The following RABGAP1 variants were observed in gnomAD, a reference collection of about 807,000 sequenced individuals.
The protein encoded by RABGAP1 is RAB GTPase activating protein 1, also known as rab GTPase-activating protein 1.
In RABGAP1, 23 loss-of-function variants were observed where a neutral mutation model predicts 137.6. That is an observed-to-expected ratio of 0.17 (90% CI 0.12 to 0.24). The LOEUF (loss-of-function observed/expected upper bound fraction) is 0.24, where lower values mean the gene tolerates loss of function less well. Ranked by LOEUF, RABGAP1 falls within the 10% of genes least tolerant of loss-of-function variation. The probability of loss-of-function intolerance (pLI) is 1.00; values close to 1 mark genes in which losing one functional copy is unlikely to be tolerated. For missense variants in RABGAP1, 906 were observed against 1,275.8 expected (o/e 0.71, Z 4.42); for synonymous variants, 451 against 450.7 (o/e 1.00, Z -0.01).
chr9:122,995,296 T>C (rs953826056), intron 6 of RABGAP1, among the ~76,000 whole-genome samples: 7 of 152,230 alleles, frequency 4.6e-5, no homozygotes, highest in African/African-American at 1.7e-4. Context: ...TTTTTAAAGA[T>C]ACCTTGCTTT....
chr9:123,015,423 G>T, intron 11 of RABGAP1, 120 bp from the exon 12 acceptor site: 1 of 548,092 alleles, frequency 1.8e-6, no homozygotes. Context: ...TACTAAAAGA[G>T]AGAAATTATG....
At chr9:123,084,127 T>TATC (rs919030603) in intron 19 of RABGAP1, among the ~76,000 whole-genome samples, 1 of 152,246 alleles carries the variant, frequency 6.6e-6, no homozygotes, top group African/African-American at 2.4e-5. Context: ...TGATCTATGA[T>TATC]AGAGTAAAAT....
At chr9:123,007,036 G>C (rs2030339035) in intron 10 of RABGAP1, among the ~76,000 whole-genome samples, 1 of 150,662 alleles carries the variant, frequency 6.6e-6, no homozygotes, top group Admixed American at 6.6e-5. Flanking sequence ...TGTTCAACTT[G>C]TGTAGCTCTG....
chr9:123,015,289 CTTT>C (rs34492374), intron 11 of RABGAP1, among the ~76,000 whole-genome samples: 2,534 of 121,658 alleles, frequency 0.021, 58 homozygotes, highest in African/African-American at 0.068. Context: ...TAAATAGCTC[CTTT>C]TTTTTTTTTT....
chr9:123,059,867 T>C (rs906726590), intron 13 of RABGAP1, among the ~76,000 whole-genome samples: 1 of 152,218 alleles, frequency 6.6e-6, no homozygotes, highest in African/African-American at 2.4e-5. Flanking sequence ...CAGTTTGTAA[T>C]ATTTTGTTAG....
At chr9:122,970,936 CA>C (rs1480113769) in intron 2 of RABGAP1, among the ~76,000 whole-genome samples, 3 of 152,104 alleles carry the variant, frequency 2.0e-5, no homozygotes, top group Non-Finnish European at 4.4e-5. Flanking sequence ...CTTCAAGGAA[CA>C]AAAACAAAGA....
At chr9:122,978,517 C>G (rs768677304) in intron 2 of RABGAP1, among the ~76,000 whole-genome samples, 1 of 152,152 alleles carries the variant, frequency 6.6e-6, no homozygotes, top group Non-Finnish European at 1.5e-5. Flanking sequence ...TTCCTGTAAT[C>G]TCAGCAACTT....
chr9:123,058,822 T>C (rs949359122), intron 13 of RABGAP1, among the ~76,000 whole-genome samples: 11 of 152,230 alleles, frequency 7.2e-5, no homozygotes, highest in Non-Finnish European at 7.3e-5. Context: ...TTTAATTTGT[T>C]AACTGGGAGC....
chr9:123,003,929 T>G lies in RABGAP1; in HGVS notation c.1374+5163T>G, dbSNP rs556509747. 6.6e-5 allele frequency among the ~76,000 whole-genome samples: 10 copies of G among 152,364 alleles called. No homozygotes were observed. In the East Asian group the frequency reaches 1.9e-3, roughly 29 times the overall value. ...GGGGTCTTAAAATCTTTCATAAAAT[T>G]ACTGTTTTATAAATGAAGAAGCTGA... On this transcript the variant is annotated intron_variant, in intron 10 of 25. Transcript: ENST00000373647.
At position 123,090,367 on chromosome 9, in the gene RABGAP1, A is replaced by G. The variant is rs1357415935; in HGVS notation, c.2610A>G (p.Leu870=). 3.7e-6 allele frequency: 6 copies of G among 1,612,050 alleles called. No individual in the cohort carries two copies. The African/African-American group carries it at 4.0e-5, about 11-fold the overall frequency. Residue 870 remains leucine, a synonymous_variant, in exon 21 of 26, where the codon CTA becomes CTG. Coordinates refer to ENST00000373647, the MANE Select transcript of RABGAP1 (RefSeq NM_012197.4). ...AGCTGGTGACCAGCAAGATTGCACT[A>G]CGGAAGGACCTGGATAACGTAAGTC... is the stretch of plus-strand genomic sequence containing the variant. ...AHELVTSKIA[L]RKDLDNAEEK... is the part of the protein sequence containing the mutation.
At chr9:123,006,163 C>T (rs1277028446) in intron 10 of RABGAP1, among the ~76,000 whole-genome samples, 1 of 152,072 alleles carries the variant, frequency 6.6e-6, no homozygotes, top group Non-Finnish European at 1.5e-5. Context: ...CATGGTGATT[C>T]TTTTTGGGTT....
chr9:123,031,920 A>T (rs1163810631), intron 13 of RABGAP1, among the ~76,000 whole-genome samples: 1 of 152,204 alleles, frequency 6.6e-6, no homozygotes, highest in South Asian at 2.1e-4. Context: ...GAAATTATTT[A>T]TGTTGAGGGA....
At chr9:122,945,146 G>GTTTTTTTTTTTTTTTTTTTT (rs1564348056) in intron 1 of RABGAP1, among the ~76,000 whole-genome samples, 28 of 9,170 alleles carry the variant, frequency 3.1e-3, no homozygotes, top group Non-Finnish European at 0.015. Context: ...CATAGCTGTT[G>GTTTTTTTTTTTTTTTTTTTT]CTTTTTTTTT....
At chr9:123,040,568 T>C (rs1029851741) in intron 13 of RABGAP1, among the ~76,000 whole-genome samples, 2 of 152,188 alleles carry the variant, frequency 1.3e-5, no homozygotes, top group Admixed American at 6.5e-5. Context: ...TCTTTGCAAG[T>C]CTTAGTAGTC....
chr9:123,041,678 T>G (rs2132023635), intron 13 of RABGAP1, among the ~76,000 whole-genome samples: 1 of 152,248 alleles, frequency 6.6e-6, no homozygotes, highest in East Asian at 1.9e-4. Context: ...ATATGGAAAT[T>G]CAGTGGACGA....
At chr9:122,937,967 G>A (rs1483149008), upstream of RABGAP1, 4 of 152,228 alleles carry the variant, frequency 2.6e-5, no homozygotes, top group African/African-American at 9.7e-5. Context: ...TCCAGCCTGG[G>A]TGACAGAGCG....
At position 123,017,994 on chromosome 9, in the gene RABGAP1, AT is replaced by A. The variant is rs1329625556; in HGVS notation, c.1644-2307del. 2.0e-5 allele frequency among the ~76,000 whole-genome samples: 3 copies of A among 151,812 alleles called. No individual in the cohort carries two copies. In the East Asian group the frequency reaches 5.8e-4, roughly 29 times the overall value. ...CTTTGAGCTCTAATTCTCCAAGTTC[AT>A]TTTTTTTGTTTGTTTTTTGAGACGG... is the stretch of plus-strand genomic sequence containing the variant. On this transcript the variant is annotated intron_variant, in intron 12 of 25. Transcript: ENST00000373647.
At chr9:122,972,456 T>C in intron 2 of RABGAP1, among the ~76,000 whole-genome samples, 1 of 152,140 alleles carries the variant, frequency 6.6e-6, no homozygotes, top group East Asian at 1.9e-4. Context: ...TTCCATGTAG[T>C]CGCTCGTCTT....
At chr9:122,956,350 C>T (rs997629546) in intron 1 of RABGAP1, among the ~76,000 whole-genome samples, 1 of 151,424 alleles carries the variant, frequency 6.6e-6, no homozygotes, top group African/African-American at 2.4e-5. Context: ...CCTTATTGTG[C>T]CCTCACAATA....
Sources: gnomAD v4.1 joint callset for allele counts (sites outside exome capture counted in the v4.1 genomes callset) on GRCh38, gnomAD v4.1.1 for gene constraint, MANE v1.5 for transcripts, NCBI Gene and HGNC (gene_info 2026-07-23, HGNC 2026-07-21) for gene names.